The following ANKRD26 variants were observed in gnomAD, a reference collection of about 807,000 sequenced individuals.
The protein encoded by ANKRD26 is ankyrin repeat domain 26.
A neutral mutation model predicts 208.7 loss-of-function variants in ANKRD26; 141 were observed. The observed-to-expected ratio is 0.68, with a 90% confidence interval of 0.59 to 0.78. The LOEUF is 0.78. Among genes scored for constraint, ANKRD26 ranks in the 30% least tolerant of loss-of-function variants. The pLI, the probability that ANKRD26 is intolerant of heterozygous loss-of-function variation, is 0.00. For missense variants in ANKRD26, 1,889 were observed against 1,938.7 expected (o/e 0.97, Z 0.48); for synonymous variants, 636 against 660.4 (o/e 0.96, Z 0.57).
At chr10:27,042,407 G>T (rs1156242821) in intron 20 of ANKRD26, among the ~76,000 whole-genome samples, 3 of 152,072 alleles carry the variant, frequency 2.0e-5, no homozygotes, top group Non-Finnish European at 2.9e-5. Context: ...ACTTGAGGTC[G>T]GGAGTTTGAG....
intron 17 of ANKRD26, among the ~76,000 whole-genome samples, chr10:27,047,103 A>T (rs2135325139): frequency 6.6e-6 from 1 of 152,338 alleles, no homozygotes; most frequent in Admixed American, 6.5e-5. Context: ...AGTAGCAATT[A>T]GATTTGGGCT....
the ANKRD26 span, among the ~76,000 whole-genome samples, chr10:26,948,759 G>T: frequency 0.024 from 3,597 of 152,228 alleles, 146 homozygotes; most frequent in African/African-American, 0.081. Context: ...AGGACGAGGT[G>T]GGTGGATCAC....
chr10:27,053,408 T>C lies in ANKRD26; in HGVS notation c.1565-18A>G, dbSNP rs774058117. ...ATGTTCAGCTGAAAAAATCCAAATA[T>C]TTAGTTTAATGAACTACTTAGAACA... On this transcript the variant is annotated intron_variant, in intron 15 of 33. Transcript: ENST00000376087. 2 of 1,573,318 alleles carry C rather than the reference T, an allele frequency of 1.3e-6. No homozygotes were observed. The highest frequency in any genetic ancestry group is 1.1e-5 in the South Asian group (1 of 89,356).
intron 21 of ANKRD26, 97 bp from the exon 22 acceptor site, chr10:27,038,151 T>C (rs1343796459): frequency 3.2e-6 from 3 of 938,024 alleles, no homozygotes; most frequent in Admixed American, 4.9e-5. Flanking sequence ...ATTACCCTAA[T>C]ACAATTTCTA....
At chr10:26,972,735 C>T (rs1428763154), downstream of ANKRD26, among the ~76,000 whole-genome samples, 1 of 151,816 alleles carries the variant, frequency 6.6e-6, no homozygotes, top group African/African-American at 2.4e-5. Context: ...GGACTACAGG[C>T]GCCCGCCACC....
intron 19 of ANKRD26, among the ~76,000 whole-genome samples, chr10:27,043,798 T>C (rs566058257): frequency 3.7e-4 from 57 of 152,220 alleles, no homozygotes; most frequent in African/African-American, 1.3e-3. Flanking sequence ...GTTTTTGTTT[T>C]TGTTTTTTTT....
the ANKRD26 span, among the ~76,000 whole-genome samples, chr10:26,951,538 G>A: frequency 6.6e-6 from 1 of 152,102 alleles, no homozygotes; most frequent in Non-Finnish European, 1.5e-5. Context: ...TTTTATAAAT[G>A]AGCTTCACTG....
At chr10:26,988,958 T>C (rs932874084), downstream of ANKRD26, among the ~76,000 whole-genome samples, 21 of 151,366 alleles carry the variant, frequency 1.4e-4, no homozygotes, top group Non-Finnish European at 2.4e-4. Context: ...AATATGGTGG[T>C]GGGGAAGGGG....
chr10:26,970,982 T>A (rs1369217625), downstream of ANKRD26, among the ~76,000 whole-genome samples: 1 of 152,192 alleles, frequency 6.6e-6, no homozygotes, highest in Non-Finnish European at 1.5e-5. Flanking sequence ...CAATTTTAGG[T>A]CTACCCAGGA....
the ANKRD26 span, among the ~76,000 whole-genome samples, chr10:26,960,581 G>T: frequency 6.6e-6 from 1 of 152,204 alleles, no homozygotes; most frequent in Non-Finnish European, 1.5e-5. Context: ...TGATGAAATA[G>T]TCATTGTTTT....
Position 27,027,682 on chromosome 10 carries a change from T to A in ANKRD26, c.3972+1170A>T, listed in dbSNP as rs2053709626. 2.0e-5 allele frequency among the ~76,000 whole-genome samples: 3 copies of A among 152,234 alleles called. No homozygotes were observed. The South Asian group carries it at 6.2e-4, about 31-fold the overall frequency. On this transcript the variant is annotated intron_variant, in intron 27 of 33. Coordinates refer to ENST00000376087, the MANE Select transcript of ANKRD26 (RefSeq NM_014915.3). ...CTACTAGTAGCAAGTAGTATTACCATGAATACAATAAATATTTTTATCAAT... is the reference window on the plus strand; with the variant it reads ...CTACTAGTAGCAAGTAGTATTACCAAGAATACAATAAATATTTTTATCAAT...
At chr10:27,083,766 G>C (rs1484124151) in intron 5 of ANKRD26, among the ~76,000 whole-genome samples, 1 of 152,138 alleles carries the variant, frequency 6.6e-6, no homozygotes, top group Non-Finnish European at 1.5e-5. Flanking sequence ...CTGTATATAA[G>C]AGGCCAGCAA....
chr10:27,052,808 C>G (rs991043285), intron 16 of ANKRD26, among the ~76,000 whole-genome samples: 4 of 152,164 alleles, frequency 2.6e-5, no homozygotes, highest in Non-Finnish European at 5.9e-5. Context: ...CTCATTCTTT[C>G]CCTGAATGTA....
At chr10:27,073,562 T>C (rs930132333) in intron 9 of ANKRD26, among the ~76,000 whole-genome samples, 1 of 152,168 alleles carries the variant, frequency 6.6e-6, no homozygotes, top group Non-Finnish European at 1.5e-5. Context: ...AACACTTTAG[T>C]GCATATCACT....
At chr10:27,063,121 T>C (rs2055121909) in intron 12 of ANKRD26, among the ~76,000 whole-genome samples, 1 of 152,140 alleles carries the variant, frequency 6.6e-6, no homozygotes, top group South Asian at 2.1e-4. Flanking sequence ...ATGCCTGTAT[T>C]CATCTACAGC....
intron 5 of ANKRD26, among the ~76,000 whole-genome samples, chr10:26,994,581 G>A (rs533934884): frequency 5.5e-4 from 84 of 152,270 alleles, no homozygotes; most frequent in Non-Finnish European, 1.0e-3. Flanking sequence ...AGGTTTTATG[G>A]CCATTCCCCA....
intron 31 of ANKRD26, among the ~76,000 whole-genome samples, chr10:27,014,063 T>G (rs1439445029): frequency 6.6e-6 from 1 of 152,156 alleles, no homozygotes; most frequent in East Asian, 1.9e-4. Context: ...CAAGGAAAGT[T>G]CATTTATGGA....
chr10:27,011,262 T>G (rs142002953), intron 32 of ANKRD26, among the ~76,000 whole-genome samples: 44 of 152,348 alleles, frequency 2.9e-4, no homozygotes, highest in African/African-American at 1.0e-3. Context: ...TTATGCTTCT[T>G]GTAATTTTTT....
intron 9 of ANKRD26, among the ~76,000 whole-genome samples, chr10:27,074,509 T>C (rs1054747991): frequency 6.6e-6 from 1 of 152,070 alleles, no homozygotes; most frequent in Non-Finnish European, 1.5e-5. Context: ...GGCGAAACCC[T>C]GTCTCTACTA....
Sources: allele counts gnomAD v4.1 joint callset (sites outside exome capture counted in the v4.1 genomes callset), GRCh38; gene constraint gnomAD v4.1.1; transcripts MANE v1.5; gene names NCBI Gene and HGNC (gene_info 2026-07-23, HGNC 2026-07-21).